Variants in MSANTD5 observed in about 807,000 individuals in gnomAD.
MSANTD5 encodes uncharacterized protein MSANTD5.
chr5:178,693,997 G>A (rs553290108), downstream of MSANTD5, among the ~76,000 whole-genome samples: 1 of 151,996 alleles, frequency 6.6e-6, no homozygotes, highest in East Asian at 1.9e-4. Context: ...ATTTTAATAC[G>A]AGGATCTGGA....
At chr5:178,692,170 A>G (rs539148927), downstream of MSANTD5, among the ~76,000 whole-genome samples, 12 of 133,976 alleles carry the variant, frequency 9.0e-5, 2 homozygotes, top group Admixed American at 4.5e-4. Context: ...ACCTGAGCTC[A>G]AGAGTTCGAG....
intron 1 of MSANTD5, among the ~76,000 whole-genome samples, 151 bp from the exon 2 acceptor site, chr5:178,696,332 C>T (rs939766817): frequency 6.6e-6 from 1 of 151,982 alleles, no homozygotes; most frequent in Admixed American, 6.6e-5. Context: ...AAGTGATTCT[C>T]CTGCTTCAGC....
chr5:178,703,703 C>T, the MSANTD5 span, among the ~76,000 whole-genome samples: 7 of 152,024 alleles, frequency 4.6e-5, no homozygotes, highest in Admixed American at 3.3e-4. Context: ...AAATATTTGG[C>T]TGGGTGCAGT....
chr5:178,694,125 T>C (rs1310071357), downstream of MSANTD5, among the ~76,000 whole-genome samples: 2 of 151,872 alleles, frequency 1.3e-5, no homozygotes, highest in African/African-American at 2.4e-5. Context: ...AAGACCAGCC[T>C]GTCCAAGATG....
intron 1 of MSANTD5, among the ~76,000 whole-genome samples, chr5:178,696,448 A>T (rs903300119): frequency 2.6e-5 from 4 of 151,874 alleles, no homozygotes; most frequent in Admixed American, 2.6e-4. Flanking sequence ...CTGGTCTCAA[A>T]CCCCTGACCT....
At chr5:178,693,246 G>C (rs967993638), downstream of MSANTD5, among the ~76,000 whole-genome samples, 1 of 152,032 alleles carries the variant, frequency 6.6e-6, no homozygotes, top group Non-Finnish European at 1.5e-5. Flanking sequence ...CCAGGTGGCG[G>C]AGGTTATGGT....
At chr5:178,699,648 T>A (rs1246572334), upstream of MSANTD5, among the ~76,000 whole-genome samples, 2 of 152,298 alleles carry the variant, frequency 1.3e-5, no homozygotes, top group Non-Finnish European at 2.9e-5. Context: ...CGGCCTCAGG[T>A]GATCCACCCA....
At chr5:178,701,448 A>G (rs571393132), upstream of MSANTD5, among the ~76,000 whole-genome samples, 267 of 151,952 alleles carry the variant, frequency 1.8e-3, 1 homozygote, top group Non-Finnish European at 3.2e-3. Flanking sequence ...GGTGTGCCCT[A>G]TGTGAAGGAA....
chr5:178,702,587 C>T (rs1271032213), upstream of MSANTD5, among the ~76,000 whole-genome samples: 2 of 148,572 alleles, frequency 1.3e-5, no homozygotes, highest in Non-Finnish European at 3.0e-5. Flanking sequence ...GTGTGAGCCA[C>T]CGCACCCAGC....
At position 178,696,898 on chromosome 5, in the gene MSANTD5, G is replaced by A. The variant is rs572349365; in HGVS notation, c.6+688C>T. On this transcript the variant is annotated intron_variant, in intron 1 of 3. Coordinates refer to ENST00000648368, the Ensembl canonical transcript of MSANTD5. The stretch of plus-strand genomic sequence containing the variant: ...AATGAGAGGAAACTGCCTGGGCTGG[G>A]AAAACACCGCGAGAAAGGAGCAGGC... 1.2e-4 allele frequency among the ~76,000 whole-genome samples: 19 copies of A among 152,214 alleles called. No homozygotes were observed. The South Asian group carries it at 2.5e-3, about 20-fold the overall frequency.
chr5:178,697,322 C>T (rs4597992), intron 1 of MSANTD5, among the ~76,000 whole-genome samples: 20,094 of 148,668 alleles, frequency 0.14, 1,835 homozygotes, highest in African/African-American at 0.25. Context: ...GGCGTGGTGG[C>T]GGGCGCCTGT....
chr5:178,696,007 T>C (rs980053852), intron 2 of MSANTD5, 90 bp downstream of exon 2: 1 of 152,160 alleles, frequency 6.6e-6, no homozygotes, highest in African/African-American at 2.4e-5. Flanking sequence ...TGCCCCCTCT[T>C]GGGGCTTGGA....
chr5:178,701,894 C>T (rs1048113537), upstream of MSANTD5, among the ~76,000 whole-genome samples: 26 of 150,978 alleles, frequency 1.7e-4, no homozygotes, highest in African/African-American at 5.6e-4. Flanking sequence ...CCACCATGCC[C>T]GGCTAATTTT....
At chr5:178,706,158 A>C in the MSANTD5 span, among the ~76,000 whole-genome samples, 2 of 151,936 alleles carry the variant, frequency 1.3e-5, no homozygotes, top group Admixed American at 1.3e-4. Flanking sequence ...CATTCTATTA[A>C]ATGTGGTGTG....
At chr5:178,705,102 G>A in the MSANTD5 span, among the ~76,000 whole-genome samples, 2 of 151,822 alleles carry the variant, frequency 1.3e-5, no homozygotes, top group Admixed American at 6.6e-5. Context: ...AGGCTGGAGT[G>A]CAGTGGCACA....
At chr5:178,703,447 T>C in the MSANTD5 span, among the ~76,000 whole-genome samples, 3 of 152,328 alleles carry the variant, frequency 2.0e-5, no homozygotes, top group African/African-American at 7.2e-5. Flanking sequence ...CCTGCGACTT[T>C]CAAGCCTAAT....
upstream of MSANTD5, among the ~76,000 whole-genome samples, chr5:178,701,790 G>C (rs549627097): frequency 6.7e-6 from 1 of 148,786 alleles, no homozygotes; most frequent in East Asian, 2.0e-4. Context: ...TTTTTGTCCA[G>C]GCTGGAGTTC....
chr5:178,691,893 T>A (rs1312467013), downstream of MSANTD5, among the ~76,000 whole-genome samples: 4 of 134,798 alleles, frequency 3.0e-5, 1 homozygote, highest in Non-Finnish European at 5.0e-5. Context: ...GCCAGTCCCA[T>A]CATTCTAAGC....
intron 3 of MSANTD5, 30 bp from the exon 4 acceptor site, chr5:178,694,977 A>C (rs2113852291): frequency 6.6e-6 from 1 of 152,480 alleles, no homozygotes; most frequent in South Asian, 2.1e-4. Context: ...TGGAGGGCTC[A>C]TGAAGCCATC....
Sources: gnomAD v4.1 joint callset for allele counts (sites outside exome capture counted in the v4.1 genomes callset) on GRCh38, gnomAD v4.1.1 for gene constraint, MANE v1.5 for transcripts, NCBI Gene and HGNC (gene_info 2026-07-23, HGNC 2026-07-21) for gene names.